Variants in DMD observed in about 807,000 individuals in gnomAD.
DMD encodes the protein dystrophin.
A neutral mutation model predicts 330.1 loss-of-function variants in DMD; 63 were observed. The observed-to-expected ratio is 0.19, with a 90% CI of 0.16 to 0.24. The LOEUF is 0.24. Among genes scored for constraint, DMD ranks in the 10% least tolerant of loss-of-function variants. DMD has a pLI of 1.00. For missense variants in DMD, 3,344 were observed against 2,684.1 expected (o/e 1.25, Z -5.43); for synonymous variants, 1,223 against 959.8 (o/e 1.27, Z -5.07).
intron 1 of DMD, among the ~76,000 whole-genome samples, chrX:33,061,266 AG>A (rs1190789963): frequency 8.9e-6 from 1 of 112,636 alleles, no homozygotes; most frequent in Non-Finnish European, 1.9e-5. Flanking sequence ...ACACTTACAA[AG>A]ATATATACAC....
chrX:31,224,027 A>G lies in DMD; in HGVS notation c.9287-906T>C, dbSNP rs890756628. Among the ~76,000 whole-genome samples the G allele has an allele frequency of 7.2e-5, 8 of 111,850 alleles. No individual in the cohort carries two copies. In the East Asian group the frequency reaches 2.0e-3, roughly 27 times the overall value. On this transcript the variant is annotated intron_variant, in intron 63 of 78. Transcript: ENST00000357033. ...GACTCACGCCACCTAGCAGGAAGCT[A>G]TATTTAGATGATGTTCTTACTCAAG... is the stretch of plus-strand genomic sequence containing the variant.
At chrX:32,493,755 T>G (rs747784492) in intron 19 of DMD, among the ~76,000 whole-genome samples, 1 of 111,928 alleles carries the variant, frequency 8.9e-6, no homozygotes, top group South Asian at 3.7e-4. Context: ...TGGACAGAAT[T>G]TTTAAATTAT....
chrX:32,478,510 G>C (rs1385886090), intron 21 of DMD, among the ~76,000 whole-genome samples: 1 of 111,426 alleles, frequency 9.0e-6, no homozygotes, highest in East Asian at 2.8e-4. Context: ...AATACAACAG[G>C]ACCCATGCAT....
rs186868718 is a variant in DMD at position 32,611,129 on chromosome X, C to T, written c.1482+3174G>A. On this transcript the variant is annotated intron_variant, in intron 12 of 78. Coordinates refer to ENST00000357033, the MANE Select transcript of DMD (RefSeq NM_004006.3). ...TGATGTTAAGTCACCTTCTTCTCGC[C>T]AAAATTGTTGCCAAGAAACAAAAGA... Among the ~76,000 whole-genome samples the T allele has an allele frequency of 4.6e-5, 5 of 109,858 alleles. No individual in the cohort carries two copies. The East Asian group carries it at 1.4e-3, about 31-fold the overall frequency.
chrX:32,562,047 G>A (rs1423624083), intron 16 of DMD, among the ~76,000 whole-genome samples: 1 of 111,309 alleles, frequency 9.0e-6, no homozygotes, highest in South Asian at 3.8e-4. Flanking sequence ...AATATATATC[G>A]ATCAGGGCCA....
At chrX:32,603,773 G>A (rs187952721) in intron 12 of DMD, among the ~76,000 whole-genome samples, 2 of 110,817 alleles carry the variant, frequency 1.8e-5, no homozygotes, top group Admixed American at 9.6e-5. Flanking sequence ...ATAAATTCCT[G>A]GATACATATC....
At chrX:33,282,855 T>G (rs1170008822) in intron 1 of DMD, among the ~76,000 whole-genome samples, 2 of 112,181 alleles carry the variant, frequency 1.8e-5, no homozygotes, top group Non-Finnish European at 3.8e-5. Context: ...GGTCCCCATC[T>G]TCTGTTGGAT....
intron 53 of DMD, among the ~76,000 whole-genome samples, chrX:31,675,143 A>G (rs1467156541): frequency 8.9e-6 from 1 of 112,179 alleles, no homozygotes; most frequent in African/African-American, 3.2e-5. Context: ...TTAAGGGTGA[A>G]AGAAAACAAT....
At chrX:31,373,977 A>G (rs746523960) in intron 60 of DMD, among the ~76,000 whole-genome samples, 3 of 108,855 alleles carry the variant, frequency 2.8e-5, no homozygotes, top group African/African-American at 1.0e-4. Context: ...ATGTACAAGA[A>G]AAAAACAAAC....
At chrX:31,582,618 T>C (rs940171136) in intron 55 of DMD, among the ~76,000 whole-genome samples, 4 of 112,093 alleles carry the variant, frequency 3.6e-5, no homozygotes, top group African/African-American at 1.3e-4. Context: ...GCAGTTATAG[T>C]GACTATTCTT....
At chrX:31,275,854 G>T (rs2052068210) in intron 62 of DMD, among the ~76,000 whole-genome samples, 1 of 111,332 alleles carries the variant, frequency 9.0e-6, no homozygotes, top group Non-Finnish European at 1.9e-5. Flanking sequence ...TAGGATTTTT[G>T]ATAATGGCCC....
chrX:31,628,941 T>TATATAA (rs1319231616), intron 54 of DMD, among the ~76,000 whole-genome samples: 28 of 102,196 alleles, frequency 2.7e-4, no homozygotes, highest in African/African-American at 9.4e-4. Flanking sequence ...TATATATATA[T>TATATAA]AAAATGCATG....
intron 16 of DMD, among the ~76,000 whole-genome samples, chrX:32,557,512 G>T (rs2050439987): frequency 8.9e-6 from 1 of 111,856 alleles, no homozygotes; most frequent in African/African-American, 3.2e-5. Flanking sequence ...TGCGTTGTCT[G>T]TCTATGTATA....
chrX:33,196,679 C>G lies in DMD; in HGVS notation c.31+14603G>C, dbSNP rs1014787967. ...GAAAAATTATTCTCAACACTTTGAC[C>G]CTCACCAAGAAACTTTATATATCCC... On this transcript the variant is annotated intron_variant, in intron 1 of 78. Transcript: ENST00000357033. 4.5e-5 allele frequency among the ~76,000 whole-genome samples: 5 copies of G among 110,888 alleles called. No homozygotes were observed. The East Asian group carries it at 1.4e-3, about 31-fold the overall frequency.
chrX:31,197,848 C>G (rs1463596608), intron 67 of DMD, among the ~76,000 whole-genome samples: 1 of 110,815 alleles, frequency 9.0e-6, no homozygotes, highest in Non-Finnish European at 1.9e-5. Flanking sequence ...AAGCGCCCAT[C>G]AGTGGATGAA....
intron 60 of DMD, among the ~76,000 whole-genome samples, chrX:31,444,027 G>A (rs1428939957): frequency 9.0e-6 from 1 of 110,584 alleles, no homozygotes; most frequent in Non-Finnish European, 1.9e-5. Flanking sequence ...TAGTGAGCGA[G>A]GTTTTGCTCT....
At chrX:33,284,972 G>T (rs772246740) in intron 1 of DMD, among the ~76,000 whole-genome samples, 1 of 109,481 alleles carries the variant, frequency 9.1e-6, no homozygotes, top group East Asian at 2.9e-4. Context: ...GTACTTCATA[G>T]CATCCTGCTC....
intron 63 of DMD, among the ~76,000 whole-genome samples, chrX:31,255,028 G>A (rs1311253774): frequency 1.0e-5 from 1 of 99,019 alleles, no homozygotes; most frequent in Non-Finnish European, 2.0e-5. Context: ...CTATGTGACA[G>A]AGCAAGATGC....
chrX:31,651,426 C>A, intron 54 of DMD, among the ~76,000 whole-genome samples: 1 of 111,293 alleles, frequency 9.0e-6, no homozygotes, highest in East Asian at 2.8e-4. Flanking sequence ...AATGGAACAT[C>A]AACATTTAAA....
Sources: gnomAD v4.1 joint callset for allele counts (sites outside exome capture counted in the v4.1 genomes callset) on GRCh38, gnomAD v4.1.1 for gene constraint, MANE v1.5 for transcripts, NCBI Gene and HGNC (gene_info 2026-07-23, HGNC 2026-07-21) for gene names.